PCDH15: variants seen among roughly 807,000 people sequenced by gnomAD.
The protein encoded by PCDH15 is protocadherin related 15, also known as protocadherin-15.
Under a neutral mutation model 178.5 loss-of-function variants are expected in PCDH15, and 129 were observed. The ratio of observed to expected loss-of-function variants is 0.72; its 90% confidence interval spans 0.63 to 0.84. The LOEUF (loss-of-function observed/expected upper bound fraction) is 0.84. Among genes scored for constraint, PCDH15 ranks in the 40% least tolerant of loss-of-function variants. The pLI is 0.00. For synonymous variants in PCDH15, 800 were observed against 732.0 expected, an observed-to-expected ratio of 1.09 and a Z score of -1.50; for missense variants, 2,230 against 2,099.9, an observed-to-expected ratio of 1.06 and a Z score of -1.21.
intron 1 of PCDH15, among the ~76,000 whole-genome samples, chr10:54,762,756 T>C (rs1467199931): frequency 6.6e-6 from 1 of 152,144 alleles, no homozygotes; most frequent in African/African-American, 2.4e-5. Context: ...CTTAAGCATT[T>C]TAGCTAGCCT....
chr10:54,965,299 G>A lies in PCDH15; in HGVS notation c.-79-67799C>T, dbSNP rs137859072. 5.9e-3 allele frequency among the ~76,000 whole-genome samples: 900 copies of A among 152,190 alleles called. 3 individuals are homozygous for A. The highest frequency in any genetic ancestry group is 8.6e-3 in the Non-Finnish European group (582 of 68,018). On this transcript the variant is annotated intron_variant, in intron 2 of 5. Transcript: ENST00000458638. ...CATTATCCACAAGTGTCATGGGAAG[G>A]AACCAGTGGGAGGTAACTGAATCAT...
At chr10:55,498,237 A>G (rs935638133) in intron 2 of PCDH15, among the ~76,000 whole-genome samples, 1 of 151,892 alleles carries the variant, frequency 6.6e-6, no homozygotes, top group Non-Finnish European at 1.5e-5. Context: ...TTTATAATTG[A>G]TGAAAATGTC....
intron 2 of PCDH15, among the ~76,000 whole-genome samples, chr10:55,505,494 A>G (rs1039791985): frequency 6.6e-6 from 1 of 151,400 alleles, no homozygotes; most frequent in Admixed American, 6.6e-5. Context: ...CCAAAGAATA[A>G]AAATACACAG....
intron 2 of PCDH15, among the ~76,000 whole-genome samples, chr10:55,058,410 G>C (rs188931708): frequency 6.6e-6 from 1 of 151,866 alleles, no homozygotes; most frequent in East Asian, 1.9e-4. Flanking sequence ...GGATTTTGCC[G>C]TCTTGCTCAG....
chr10:55,360,186 A>G (rs1236272821), intron 2 of PCDH15, among the ~76,000 whole-genome samples: 1 of 151,998 alleles, frequency 6.6e-6, no homozygotes, highest in Admixed American at 6.6e-5. Context: ...TCCAAAATGT[A>G]TTTATTCATC....
intron 1 of PCDH15, among the ~76,000 whole-genome samples, chr10:54,728,681 C>T (rs1942925224): frequency 6.6e-6 from 1 of 151,286 alleles, no homozygotes; most frequent in Non-Finnish European, 1.5e-5. Context: ...CCTAGAAAAC[C>T]CCATAGTCCC....
chr10:54,114,418 C>T (rs533593577), intron 15 of PCDH15, among the ~76,000 whole-genome samples: 121 of 152,242 alleles, frequency 7.9e-4, no homozygotes, highest in Non-Finnish European at 1.1e-3. Flanking sequence ...CATTTGAAAC[C>T]TCAGTTGCAG....
intron 3 of PCDH15, among the ~76,000 whole-genome samples, chr10:54,512,304 C>G (rs1284984283): frequency 6.7e-6 from 1 of 149,496 alleles, no homozygotes; most frequent in African/African-American, 2.5e-5. Context: ...CCTATCATAG[C>G]TTGAATATTT....
chr10:54,274,396 T>A (rs533743507), intron 8 of PCDH15, among the ~76,000 whole-genome samples: 1 of 152,180 alleles, frequency 6.6e-6, no homozygotes, highest in Non-Finnish European at 1.5e-5. Flanking sequence ...GCGCTTTTCA[T>A]CTTCTACTGT....
chr10:54,531,132 G>A (rs1359048903), intron 2 of PCDH15, among the ~76,000 whole-genome samples: 5 of 152,184 alleles, frequency 3.3e-5, no homozygotes, highest in Non-Finnish European at 5.9e-5. Context: ...CCACAGGAAA[G>A]TCAGGTGAGC....
intron 1 of PCDH15, among the ~76,000 whole-genome samples, chr10:54,718,684 CT>C (rs71461255): frequency 0.022 from 2,504 of 111,458 alleles, 20 homozygotes; most frequent in East Asian, 0.075. Flanking sequence ...CACACTGATT[CT>C]TTTTTTTTTT....
intron 3 of PCDH15, among the ~76,000 whole-genome samples, chr10:54,429,420 G>A (rs762102105): frequency 4.6e-5 from 7 of 152,124 alleles, no homozygotes; most frequent in Admixed American, 1.3e-4. Context: ...AGAAGGAAGT[G>A]AAGACCACAA....
intron 14 of PCDH15, among the ~76,000 whole-genome samples, chr10:54,144,273 G>A (rs188751418): frequency 2.0e-5 from 3 of 152,186 alleles, no homozygotes; most frequent in African/African-American, 7.2e-5. Flanking sequence ...AGAAAGGGGG[G>A]ACTGAAACCG....
At chr10:55,059,331 T>G (rs1433082252) in intron 2 of PCDH15, among the ~76,000 whole-genome samples, 1 of 152,212 alleles carries the variant, frequency 6.6e-6, no homozygotes, top group Non-Finnish European at 1.5e-5. Flanking sequence ...CCACTGTCTA[T>G]GTTGCTCAAA....
intron 1 of PCDH15, among the ~76,000 whole-genome samples, chr10:54,770,616 A>G (rs754999154): frequency 6.6e-6 from 1 of 151,956 alleles, no homozygotes; most frequent in Non-Finnish European, 1.5e-5. Flanking sequence ...AGAGTACTCC[A>G]ATTTTTGAAG....
rs991624421 is a variant in PCDH15 at position 54,219,812 on chromosome 10, T to A, written c.986-5764A>T. On this transcript the variant is annotated intron_variant, in intron 9 of 37. Transcript: ENST00000644397. ...AATAAGGATTGTTATACTTTTTATT[T>A]GTGCTATGATATTGTCAGAATGCTC... Among the ~76,000 whole-genome samples the A allele has an allele frequency of 7.2e-5, 11 of 152,090 alleles. No homozygotes were observed. In the East Asian group the frequency reaches 1.9e-3, roughly 27 times the overall value.
chr10:55,460,701 C>T (rs942061423), intron 2 of PCDH15, among the ~76,000 whole-genome samples: 1 of 152,066 alleles, frequency 6.6e-6, no homozygotes, highest in Non-Finnish European at 1.5e-5. Flanking sequence ...CCACACTACC[C>T]TGAATGCACC....
intron 2 of PCDH15, among the ~76,000 whole-genome samples, chr10:55,027,473 A>G (rs912103491): frequency 6.6e-6 from 1 of 151,852 alleles, no homozygotes; most frequent in Non-Finnish European, 1.5e-5. Context: ...CAACCTTGAC[A>G]GCTAGAAATT....
intron 2 of PCDH15, among the ~76,000 whole-genome samples, chr10:55,056,397 G>C (rs1454864868): frequency 6.6e-6 from 1 of 151,856 alleles, no homozygotes; most frequent in Non-Finnish European, 1.5e-5. Context: ...TACCTTGTAA[G>C]TTTTTGTACC....
Sources: allele counts gnomAD v4.1 joint callset (sites outside exome capture counted in the v4.1 genomes callset), GRCh38; gene constraint gnomAD v4.1.1; transcripts MANE v1.5; gene names NCBI Gene and HGNC (gene_info 2026-07-23, HGNC 2026-07-21).